CRACD: variants seen among roughly 807,000 people sequenced by gnomAD.
CRACD encodes capping protein inhibiting regulator of actin dynamics, also known as capping protein-inhibiting regulator of actin dynamics.
Under a neutral mutation model 106.8 loss-of-function variants are expected in CRACD, and 56 were observed. The observed-to-expected ratio is 0.52, with a 90% CI of 0.42 to 0.66. The LOEUF (loss-of-function observed/expected upper bound fraction) is 0.66. CRACD is among the 30% of genes least tolerant of loss of function. The probability of loss-of-function intolerance (pLI) is 0.00; values close to 1 mark genes in which losing one functional copy is unlikely to be tolerated. For missense variants in CRACD, 1,730 were observed against 1,623.2 expected (o/e 1.07, Z -1.13); for synonymous variants, 754 against 670.8 (o/e 1.12, Z -1.92).
chr4:56,149,208 C>G (rs2109888003), intron 1 of CRACD, among the ~76,000 whole-genome samples: 1 of 152,286 alleles, frequency 6.6e-6, no homozygotes, highest in South Asian at 2.1e-4. Flanking sequence ...CCTCTTTTCT[C>G]TAGCACCACT....
At chr4:56,113,310 A>G (rs1734180664) in intron 1 of CRACD, among the ~76,000 whole-genome samples, 1 of 152,240 alleles carries the variant, frequency 6.6e-6, no homozygotes, top group African/African-American at 2.4e-5. Context: ...AAGTGCTAAA[A>G]TAGAAGTCAG....
rs949887049 is a variant in CRACD, at chr4:56,222,859, C to T, written c.-189+43429C>T. On this transcript the variant is annotated intron_variant, in intron 2 of 10. Transcript: ENST00000682029. ...ATGTGGGTGGTGTGCGCCTGTAATC[C>T]GGCTACTTGGGAGGCTGAGGCAGGA... Among the ~76,000 whole-genome samples, 10 of 152,022 alleles carry T rather than the reference C, an allele frequency of 6.6e-5. No homozygotes were observed. In the Middle Eastern group the frequency reaches 0.01, roughly 155 times the overall value.
chr4:56,180,072 T>C (rs1364996868), intron 2 of CRACD, among the ~76,000 whole-genome samples: 2 of 152,118 alleles, frequency 1.3e-5, no homozygotes, highest in African/African-American at 2.4e-5. Context: ...GAAAATTCAA[T>C]GGAAACAGTG....
intron 1 of CRACD, among the ~76,000 whole-genome samples, chr4:56,149,165 G>T (rs530625639): frequency 6.6e-6 from 1 of 152,062 alleles, no homozygotes; most frequent in Non-Finnish European, 1.5e-5. Flanking sequence ...TCTGTCCATG[G>T]CAAGAATGAA....
At chr4:56,237,723 C>CAT (rs1740061618) in intron 2 of CRACD, among the ~76,000 whole-genome samples, 2 of 2,840 alleles carry the variant, frequency 7.0e-4, no homozygotes, top group Non-Finnish European at 1.3e-3. Flanking sequence ...ATATTACATA[C>CAT]ACACACACAC....
At chr4:56,082,778 A>G (rs759142843) in intron 1 of CRACD, among the ~76,000 whole-genome samples, 12 of 152,340 alleles carry the variant, frequency 7.9e-5, no homozygotes, top group African/African-American at 2.9e-4. Context: ...GGCAAAAACA[A>G]AAAGCTTTTA....
intron 2 of CRACD, among the ~76,000 whole-genome samples, chr4:56,266,618 A>G (rs971392220): frequency 6.6e-6 from 1 of 152,206 alleles, no homozygotes; most frequent in Admixed American, 6.5e-5. Flanking sequence ...CTGTTTCACT[A>G]CATTGTTAAA....
intron 1 of CRACD, among the ~76,000 whole-genome samples, chr4:56,099,568 T>C (rs551006913): frequency 6.6e-6 from 1 of 152,300 alleles, no homozygotes; most frequent in Non-Finnish European, 1.5e-5. Flanking sequence ...TGTCCTTTGA[T>C]GGTTTTGCCC....
At chr4:56,185,082 G>A (rs1468974878) in intron 2 of CRACD, among the ~76,000 whole-genome samples, 3 of 152,158 alleles carry the variant, frequency 2.0e-5, no homozygotes, top group Non-Finnish European at 2.9e-5. Flanking sequence ...TCAGCCTCCC[G>A]AGTAGCTGCG....
chr4:56,321,168 C>A (rs1746077030), intron 8 of CRACD: 2 of 250,808 alleles, frequency 8.0e-6, no homozygotes, highest in South Asian at 5.8e-5. Flanking sequence ...GTTCTGCAGG[C>A]AGTTGTGGAG....
intron 1 of CRACD, among the ~76,000 whole-genome samples, chr4:56,104,100 C>A (rs768504407): frequency 2.0e-5 from 3 of 152,050 alleles, no homozygotes; most frequent in Non-Finnish European, 2.9e-5. Flanking sequence ...AATTCACTAT[C>A]GAAAAAAATA....
chr4:56,137,031 T>G (rs183373911), intron 1 of CRACD, among the ~76,000 whole-genome samples: 3 of 152,324 alleles, frequency 2.0e-5, no homozygotes, highest in African/African-American at 7.2e-5. Context: ...TTGGCATACA[T>G]TTATGGTTCT....
intron 1 of CRACD, among the ~76,000 whole-genome samples, chr4:56,054,264 T>A (rs1424477635): frequency 6.6e-6 from 1 of 152,204 alleles, no homozygotes; most frequent in Non-Finnish European, 1.5e-5. Context: ...CACTGCAGCC[T>A]CTACCTCCTG....
At chr4:56,075,046 G>T (rs902959947) in intron 1 of CRACD, among the ~76,000 whole-genome samples, 1 of 152,132 alleles carries the variant, frequency 6.6e-6, no homozygotes, top group Admixed American at 6.6e-5. Context: ...CGACTTGATC[G>T]TGGTGGATAA....
intron 1 of CRACD, among the ~76,000 whole-genome samples, chr4:56,084,562 A>G (rs1039476685): frequency 2.0e-5 from 3 of 152,288 alleles, no homozygotes; most frequent in Admixed American, 2.0e-4. Context: ...TGTTAATAAT[A>G]TTGTTACAGT....
chr4:56,192,572 A>G (rs1012658304), intron 2 of CRACD, among the ~76,000 whole-genome samples: 1 of 152,190 alleles, frequency 6.6e-6, no homozygotes, highest in African/African-American at 2.4e-5. Flanking sequence ...GAGGAACAGT[A>G]GAGAAATGAA....
chr4:56,305,419 C>T (rs1248774297), intron 4 of CRACD, among the ~76,000 whole-genome samples: 1 of 152,164 alleles, frequency 6.6e-6, no homozygotes, highest in African/African-American at 2.4e-5. Flanking sequence ...TCCCCACCCC[C>T]TCTCCCAAGG....
chr4:56,287,690 A>G (rs1229842288), intron 3 of CRACD, among the ~76,000 whole-genome samples: 1 of 152,084 alleles, frequency 6.6e-6, no homozygotes, highest in East Asian at 1.9e-4. Context: ...AAGCGTTGGG[A>G]TTATAGCCAT....
At chr4:56,075,395 T>A (rs1192486547) in intron 1 of CRACD, among the ~76,000 whole-genome samples, 1 of 152,244 alleles carries the variant, frequency 6.6e-6, no homozygotes, top group African/African-American at 2.4e-5. Flanking sequence ...GGGATTCGAC[T>A]TCTTCCTGGG....
Sources: gnomAD v4.1 joint callset for allele counts (sites outside exome capture counted in the v4.1 genomes callset) on GRCh38, gnomAD v4.1.1 for gene constraint, MANE v1.5 for transcripts, NCBI Gene and HGNC (gene_info 2026-07-23, HGNC 2026-07-21) for gene names.